Variants in KIAA1217 observed in about 807,000 individuals in gnomAD.
KIAA1217 encodes the protein sickle tail protein homolog.
KIAA1217 carries 88 observed loss-of-function variants against 163.9 expected under a neutral mutation model. The ratio of observed to expected loss-of-function variants is 0.54; its 90% confidence interval spans 0.45 to 0.64. The LOEUF (loss-of-function observed/expected upper bound fraction) is 0.64. Ranked by LOEUF, KIAA1217 falls within the 30% of genes least tolerant of loss-of-function variation. The probability of loss-of-function intolerance (pLI) is 0.00; values close to 1 mark genes in which losing one functional copy is unlikely to be tolerated. For missense variants in KIAA1217, 2,372 were observed against 2,475.0 expected, an observed-to-expected ratio of 0.96 and a Z score of 0.88; for synonymous variants, 903 against 923.1, an observed-to-expected ratio of 0.98 and a Z score of 0.39.
At chr10:23,921,707 G>T (rs1391007893) in intron 1 of KIAA1217, among the ~76,000 whole-genome samples, 1 of 152,048 alleles carries the variant, frequency 6.6e-6, no homozygotes, top group Non-Finnish European at 1.5e-5. Flanking sequence ...CACCCCCCTG[G>T]CTGTTTGGTT....
chr10:24,057,923 A>G (rs1223206813), intron 2 of KIAA1217, among the ~76,000 whole-genome samples: 1 of 151,936 alleles, frequency 6.6e-6, no homozygotes, highest in South Asian at 2.1e-4. Context: ...CCACTTGTCT[A>G]TTTTTGTTTT....
intron 2 of KIAA1217, among the ~76,000 whole-genome samples, chr10:24,274,182 A>G (rs941950847): frequency 6.6e-6 from 1 of 152,184 alleles, no homozygotes; most frequent in African/African-American, 2.4e-5. Flanking sequence ...AGAATAATGT[A>G]TGTTTTCTGA....
intron 2 of KIAA1217, chr10:24,158,173 C>G: frequency 1.3e-6 from 1 of 746,566 alleles, no homozygotes. Context: ...GACAGCCAAA[C>G]ATTTCATGAT....
At chr10:23,936,479 G>A (rs1007736539) in intron 1 of KIAA1217, among the ~76,000 whole-genome samples, 5 of 152,174 alleles carry the variant, frequency 3.3e-5, no homozygotes, top group East Asian at 1.9e-4. Flanking sequence ...GTGGATTAGC[G>A]TGGGTTCTAA....
chr10:24,147,720 C>T (rs1253169878), intron 2 of KIAA1217, among the ~76,000 whole-genome samples: 1 of 149,878 alleles, frequency 6.7e-6, no homozygotes, highest in Admixed American at 6.7e-5. Context: ...GTAATCCCAA[C>T]TACTCAGGAG....
chr10:24,546,419 G>GA lies in KIAA1217; in HGVS notation c.*95_*96insA. 7.9e-7 allele frequency: 1 copy of GA among 1,258,722 alleles called. No individual in the cohort carries two copies. Among genetic ancestry groups the GA allele is most frequent in the Non-Finnish European group, 1.1e-6 (1 of 916,178 alleles). 78.0% of individuals were successfully genotyped at this position (1,258,722 alleles called of 1,614,324 possible). On this transcript the variant is annotated 3_prime_UTR_variant, in exon 21 of 21. Coordinates refer to ENST00000376454, the MANE Select transcript of KIAA1217 (RefSeq NM_019590.5). ...TCACAAGAGAATGTAACATATTGCTGTATCGTTTGAGGCTTAATGCTAAAT... is the reference window on the plus strand; with the variant it reads ...TCACAAGAGAATGTAACATATTGCTGATATCGTTTGAGGCTTAATGCTAAAT...
At chr10:23,704,746 T>C (rs992638695) in intron 1 of KIAA1217, among the ~76,000 whole-genome samples, 3 of 152,200 alleles carry the variant, frequency 2.0e-5, no homozygotes, top group African/African-American at 7.2e-5. Context: ...TTGGCTATTA[T>C]GAATAATGCT....
chr10:24,247,123 T>C (rs1379118843), intron 2 of KIAA1217, among the ~76,000 whole-genome samples: 1 of 76,648 alleles, frequency 1.3e-5, no homozygotes, highest in Non-Finnish European at 2.4e-5. Context: ...TATTTTCTTT[T>C]CTTTTTTTTT....
intron 1 of KIAA1217, among the ~76,000 whole-genome samples, chr10:23,847,147 T>C (rs1839075666): frequency 6.6e-6 from 1 of 152,196 alleles, no homozygotes; most frequent in African/African-American, 2.4e-5. Flanking sequence ...CAGTATTTTA[T>C]TGAGGATTTT....
At chr10:23,905,060 T>C (rs2131254657) in intron 1 of KIAA1217, among the ~76,000 whole-genome samples, 1 of 144,112 alleles carries the variant, frequency 6.9e-6, no homozygotes, top group South Asian at 2.1e-4. Flanking sequence ...CTTTTCTCTT[T>C]TCCTTTTTTT....
At chr10:23,886,266 T>G (rs940953370) in intron 1 of KIAA1217, among the ~76,000 whole-genome samples, 3 of 152,100 alleles carry the variant, frequency 2.0e-5, no homozygotes, top group South Asian at 4.1e-4. Flanking sequence ...CATGGGCATC[T>G]TCACATTTGG....
intron 1 of KIAA1217, among the ~76,000 whole-genome samples, chr10:23,842,565 C>T (rs963608): frequency 0.019 from 2,958 of 152,056 alleles, 96 homozygotes; most frequent in Admixed American, 0.051. Context: ...ACTCATTTTA[C>T]CAGTAAATAG....
At chr10:23,825,376 T>A (rs1837851275) in intron 1 of KIAA1217, among the ~76,000 whole-genome samples, 1 of 152,226 alleles carries the variant, frequency 6.6e-6, no homozygotes, top group South Asian at 2.1e-4. Context: ...TATCTTTGCA[T>A]CCTCTTTAAA....
At chr10:23,842,302 C>T (rs1838825763) in intron 1 of KIAA1217, among the ~76,000 whole-genome samples, 1 of 152,126 alleles carries the variant, frequency 6.6e-6, no homozygotes, top group South Asian at 2.1e-4. Flanking sequence ...ATTCTCAGTT[C>T]AAGAAGATCA....
intron 2 of KIAA1217, among the ~76,000 whole-genome samples, chr10:24,169,627 G>T (rs1390223556): frequency 1.0e-5 from 1 of 99,854 alleles, no homozygotes; most frequent in South Asian, 3.1e-4. Context: ...TATTCAATCA[G>T]CAAGTCCATC....
intron 2 of KIAA1217, among the ~76,000 whole-genome samples, chr10:24,364,030 G>A (rs2050398509): frequency 6.6e-6 from 1 of 151,594 alleles, no homozygotes; most frequent in Admixed American, 6.6e-5. Context: ...CCAGGCTAGG[G>A]TGCAATGGCG....
chr10:23,884,175 G>T (rs892558957), intron 1 of KIAA1217, among the ~76,000 whole-genome samples: 4 of 151,898 alleles, frequency 2.6e-5, no homozygotes, highest in Non-Finnish European at 4.4e-5. Context: ...AGTGCTGTAA[G>T]AAACTACCCA....
chr10:23,985,646 A>G (rs1233266970), intron 1 of KIAA1217, among the ~76,000 whole-genome samples: 2 of 152,220 alleles, frequency 1.3e-5, no homozygotes, highest in African/African-American at 4.8e-5. Context: ...GTATTAGTCG[A>G]TATTCAATGC....
chr10:23,701,117 T>C (rs944338712), intron 1 of KIAA1217, among the ~76,000 whole-genome samples: 20 of 152,202 alleles, frequency 1.3e-4, no homozygotes, highest in Admixed American at 1.1e-3. Flanking sequence ...TACATGTTTA[T>C]TTAGTATAAG....
Sources: gnomAD v4.1 joint callset for allele counts (sites outside exome capture counted in the v4.1 genomes callset) on GRCh38, gnomAD v4.1.1 for gene constraint, MANE v1.5 for transcripts, NCBI Gene and HGNC (gene_info 2026-07-23, HGNC 2026-07-21) for gene names.